C10orf105: variants seen among roughly 807,000 people sequenced by gnomAD.
C10orf105 encodes the protein chromosome 10 open reading frame 105, also known as uncharacterized protein C10orf105.
C10orf105 carries 2 observed loss-of-function variants against 0.6 expected under a neutral mutation model. That is an observed-to-expected ratio of 3.18 (90% CI 1.30 to 10.01). The LOEUF is 10.01. Among genes scored for constraint, C10orf105 ranks in the 30% most tolerant of loss-of-function variants. The pLI, the probability that C10orf105 is intolerant of heterozygous loss-of-function variation, is 0.04. For missense variants in C10orf105, 209 were observed against 191.4 expected, an observed-to-expected ratio of 1.09 and a Z score of -0.54; for synonymous variants, 95 against 82.4, an observed-to-expected ratio of 1.15 and a Z score of -0.83.
Position 71,713,394 on chromosome 10 carries a change from T to TGCTGGGTGGGGAGG in C10orf105, c.*2541_*2542insCCTCCCCACCCAGC, listed in dbSNP as rs1433603648. Reference sequence around the variant, plus strand: ...GGTGGGGAGGGAGGCCCGGAGTGAATGAGTCTCTTTACCAACTATGGGGTT... The same window carrying TGCTGGGTGGGGAGG: ...GGTGGGGAGGGAGGCCCGGAGTGAATGCTGGGTGGGGAGGGAGTCTCTTTACCAACTATGGGGTT... On this transcript the variant is annotated 3_prime_UTR_variant, in exon 2 of 2. Coordinates refer to ENST00000441508, the MANE Select transcript of C10orf105 (RefSeq NM_001164375.3). 1 of 686,184 alleles carries TGCTGGGTGGGGAGG rather than the reference T, an allele frequency of 1.5e-6. No homozygotes were observed. The highest frequency in any genetic ancestry group is 2.7e-6 in the Non-Finnish European group (1 of 377,192). 42.5% of individuals were successfully genotyped at this position (686,184 alleles called of 1,614,324 possible). A position where few individuals can be genotyped will look rare whatever the true frequency, so the allele number is the denominator to read the frequency against.
rs187558465 is a variant in C10orf105 at position 71,718,319 on chromosome 10, G to A, written c.-6+1308C>T. Among the ~76,000 whole-genome samples the A allele has an allele frequency of 2.0e-3, 308 of 152,262 alleles. 1 individual carries two copies. Among genetic ancestry groups the A allele is most frequent in the Non-Finnish European group, 2.7e-3 (183 of 68,020 alleles). The stretch of plus-strand genomic sequence containing the variant: ...CAGGACCTCACTCCTGGCTCCCTGC[G>A]CCCAGCCAACTGAGGGCATGCAGAG... On this transcript the variant is annotated intron_variant, in intron 1 of 1. Transcript: ENST00000441508.
At chr10:71,732,659 G>T (rs528557869) in intron 1 of C10orf105, 7 of 1,386,046 alleles carry the variant, frequency 5.1e-6, no homozygotes, top group Non-Finnish European at 6.5e-6. Flanking sequence ...AAAAGTCCCC[G>T]AGATCAATAT....
At chr10:71,730,484 G>A in intron 1 of C10orf105, 1 of 1,613,824 alleles carries the variant, frequency 6.2e-7, no homozygotes, top group Non-Finnish European at 8.5e-7. Context: ...TGTGTACGTG[G>A]AGGACATCAA....
intron 1 of C10orf105, chr10:71,730,644 G>A (rs753900338): frequency 2.5e-6 from 4 of 1,611,182 alleles, no homozygotes; most frequent in Non-Finnish European, 1.7e-6. Context: ...CCATTGCTCA[G>A]AGCAAACCTC....
rs967028226 is a variant in C10orf105 at position 71,716,197 on chromosome 10, G to C, written c.141C>G (p.Leu47=). ...TGAACAGCAGACAGGTGGCCAGCAG[G>C]AGGAAGATGCAGGCCAGGGCGATGA... The part of the protein sequence containing the change: ...PMLIALACIF[L]LLATCLLFMT... The change falls in exon 2 of 2, where the codon CTC becomes CTG. Residue 47 remains leucine, a synonymous_variant. Coordinates refer to ENST00000441508, the MANE Select transcript of C10orf105 (RefSeq NM_001164375.3). The C allele has an allele frequency of 6.4e-7, 1 of 1,551,278 alleles. No individual in the cohort carries two copies. Among genetic ancestry groups the C allele is most frequent in the Non-Finnish European group, 8.7e-7 (1 of 1,146,862 alleles).
chr10:71,734,389 C>T, intron 1 of C10orf105: 1 of 1,552,042 alleles, frequency 6.4e-7, no homozygotes, highest in Non-Finnish European at 8.8e-7. Context: ...CCATCGCTGG[C>T]CATGACACTT....
Position 71,712,977 on chromosome 10 carries a change from C to G in C10orf105, c.*2959G>C. The stretch of plus-strand genomic sequence containing the variant: ...CTGTGGGGAAAGGGGGACCCAGGCC[C>G]TCTCCCATCCCAGGGAGTGTGGGCC... On this transcript the variant is annotated 3_prime_UTR_variant, in exon 2 of 2. Transcript: ENST00000441508. 1 of 848,460 alleles carries G rather than the reference C, an allele frequency of 1.2e-6. No homozygotes were observed. The highest frequency in any genetic ancestry group is 1.9e-6 in the Non-Finnish European group (1 of 513,866). The allele number at this position is 848,460 out of a possible 1,614,324, so 52.6% of individuals were successfully genotyped here.
At chr10:71,730,690 C>T in intron 1 of C10orf105, 1 of 1,558,044 alleles carries the variant, frequency 6.4e-7, no homozygotes, top group Non-Finnish European at 8.7e-7. Flanking sequence ...AAACGGTCAT[C>T]CCTGATGCTT....
At chr10:71,736,147 C>T (rs1350560297) in intron 1 of C10orf105, among the ~76,000 whole-genome samples, 2 of 152,224 alleles carry the variant, frequency 1.3e-5, no homozygotes, top group African/African-American at 4.8e-5. Flanking sequence ...CTTCGGAGCA[C>T]ACACTTCTGC....
chr10:71,723,664 A>G (rs921210064), upstream of C10orf105, among the ~76,000 whole-genome samples: 3 of 152,066 alleles, frequency 2.0e-5, no homozygotes, highest in African/African-American at 7.2e-5. Context: ...CAGTTCAGCC[A>G]CCCTGGGAGA....
intron 1 of C10orf105, among the ~76,000 whole-genome samples, chr10:71,733,500 C>T (rs1288007559): frequency 6.6e-6 from 1 of 152,224 alleles, no homozygotes; most frequent in Non-Finnish European, 1.5e-5. Flanking sequence ...CCGAGGACCC[C>T]ACCAAGAGTT....
At chr10:71,725,302 A>G in intron 1 of C10orf105, 1 of 1,607,212 alleles carries the variant, frequency 6.2e-7, no homozygotes, top group East Asian at 2.2e-5. Context: ...GCCCCCAACC[A>G]TGGCAGGCCA....
chr10:71,725,367 C>T, intron 1 of C10orf105: 3 of 1,614,004 alleles, frequency 1.9e-6, no homozygotes, highest in Non-Finnish European at 2.5e-6. Context: ...TGTCCCTCCA[C>T]ACAGGTAACC....
Position 71,712,731 on chromosome 10 carries a change from A to G in C10orf105, c.*3205T>C, listed in dbSNP as rs766285590. The stretch of plus-strand genomic sequence containing the variant: ...GTGTTCGTCACTGTCCTGGATGTGA[A>G]TGACAACCGGCCCATCTTTCTGCAG... On this transcript the variant is annotated 3_prime_UTR_variant, in exon 2 of 2. Transcript: ENST00000441508. 6.2e-7 allele frequency: 1 copy of G among 1,613,740 alleles called. No individual in the cohort carries two copies. Among genetic ancestry groups the G allele is most frequent in the Non-Finnish European group, 8.5e-7 (1 of 1,179,858 alleles).
chr10:71,722,320 T>C (rs113134909), upstream of C10orf105, among the ~76,000 whole-genome samples: 378 of 152,274 alleles, frequency 2.5e-3, no homozygotes, highest in Middle Eastern at 6.8e-3. Context: ...AAGTGTACTG[T>C]AGCAATACTG....
Position 71,732,073 on chromosome 10 carries a change from G to A in C10orf105, c.-6+5655C>T, listed in dbSNP as rs201884261. The A allele has an allele frequency of 4.0e-5, 64 of 1,613,868 alleles. No individual in the cohort carries two copies. The highest frequency in any genetic ancestry group is 1.8e-4 in the South Asian group (16 of 91,086). ...CGAGAGCACAGGGCTTATCATCACCGTGAATTACCTGGACTACGAGACCAA... is the reference window on the plus strand; with the variant it reads ...CGAGAGCACAGGGCTTATCATCACCATGAATTACCTGGACTACGAGACCAA... On this transcript the variant is annotated intron_variant, in intron 1 of 1. Coordinates refer to the C10orf105 transcript ENST00000398786.
Position 71,712,858 on chromosome 10 carries a change from G to A in C10orf105, c.*3078C>T. On this transcript the variant is annotated 3_prime_UTR_variant, in exon 2 of 2. Coordinates refer to ENST00000441508, the MANE Select transcript of C10orf105 (RefSeq NM_001164375.3). The stretch of plus-strand genomic sequence containing the variant: ...TGGGGCAGGTGGTGGGCTGGGGGAG[G>A]CGGAGCCACACACGGCCCTGAGGGC... 4 of 1,594,646 alleles carry A rather than the reference G, an allele frequency of 2.5e-6. No homozygotes were observed. Among genetic ancestry groups the A allele is most frequent in the Non-Finnish European group, 3.4e-6 (4 of 1,170,632 alleles).
At chr10:71,735,070 G>A (rs1226946608) in intron 1 of C10orf105, among the ~76,000 whole-genome samples, 1 of 152,256 alleles carries the variant, frequency 6.6e-6, no homozygotes, top group East Asian at 1.9e-4. Flanking sequence ...TGAGATGGAA[G>A]CAGCAAGAGA....
chr10:71,732,032 G>A (rs912031646), intron 1 of C10orf105: 2 of 1,613,974 alleles, frequency 1.2e-6, no homozygotes, highest in Non-Finnish European at 1.7e-6. Context: ...GGCGCAGAGG[G>A]GAAGTTTGAG....
Sources: gnomAD v4.1 joint callset for allele counts (sites outside exome capture counted in the v4.1 genomes callset) on GRCh38, gnomAD v4.1.1 for gene constraint, MANE v1.5 for transcripts, NCBI Gene and HGNC (gene_info 2026-07-23, HGNC 2026-07-21) for gene names.